GRIK4: variants seen among roughly 807,000 people sequenced by gnomAD.
GRIK4 encodes glutamate receptor ionotropic, kainate 4.
A neutral mutation model predicts 104.9 loss-of-function variants in GRIK4; 40 were observed. The observed-to-expected ratio is 0.38, with a 90% CI of 0.30 to 0.50. The LOEUF (loss-of-function observed/expected upper bound fraction) is 0.50. Ranked by LOEUF, GRIK4 falls within the 20% of genes least tolerant of loss-of-function variation. GRIK4 has a pLI of 0.93. For synonymous variants in GRIK4, 485 were observed against 524.9 expected (o/e 0.92, Z 1.04); for missense variants, 1,047 against 1,308.1 (o/e 0.80, Z 3.08).
intron 3 of GRIK4, among the ~76,000 whole-genome samples, chr11:120,748,042 A>G (rs1951477389): frequency 6.6e-6 from 1 of 152,158 alleles, no homozygotes; most frequent in South Asian, 2.1e-4. Flanking sequence ...AGCTAATTCA[A>G]TATCCTCTCT....
chr11:120,954,393 C>A (rs1944084630), intron 15 of GRIK4, among the ~76,000 whole-genome samples: 1 of 151,266 alleles, frequency 6.6e-6, no homozygotes, highest in Non-Finnish European at 1.5e-5. Flanking sequence ...CAGTGACGGC[C>A]TGCGAGATGG....
At chr11:120,850,338 GGGGGT>G (rs1953946095) in intron 8 of GRIK4, among the ~76,000 whole-genome samples, 1 of 152,044 alleles carries the variant, frequency 6.6e-6, no homozygotes, top group African/African-American at 2.4e-5. Flanking sequence ...TGTGTTTCTT[GGGGGT>G]CATCTTAGAA....
intron 3 of GRIK4, among the ~76,000 whole-genome samples, chr11:120,715,260 A>G (rs753988631): frequency 1.4e-4 from 21 of 152,256 alleles, no homozygotes; most frequent in Non-Finnish European, 2.6e-4. Context: ...CCTGGGGCAC[A>G]GTCCCGAGGA....
intron 9 of GRIK4, among the ~76,000 whole-genome samples, chr11:120,865,144 G>A (rs1042654330): frequency 2.0e-5 from 3 of 152,098 alleles, no homozygotes; most frequent in African/African-American, 4.8e-5. Context: ...CATAAATACT[G>A]TGTAACAGCC....
At chr11:120,685,858 C>G (rs1950267036) in intron 3 of GRIK4, among the ~76,000 whole-genome samples, 1 of 152,148 alleles carries the variant, frequency 6.6e-6, no homozygotes, top group African/African-American at 2.4e-5. Flanking sequence ...GCCCTAAGCC[C>G]TTTGTGCCTC....
intron 6 of GRIK4, among the ~76,000 whole-genome samples, chr11:120,827,491 G>A (rs1430304545): frequency 6.6e-6 from 1 of 152,252 alleles, no homozygotes; most frequent in Non-Finnish European, 1.5e-5. Flanking sequence ...AGAGGAGGGT[G>A]GGGGTGGAAG....
chr11:120,731,726 TC>T (rs1169168118), intron 3 of GRIK4, among the ~76,000 whole-genome samples: 2 of 152,192 alleles, frequency 1.3e-5, no homozygotes, highest in Non-Finnish European at 2.9e-5. Context: ...GATTATGGTT[TC>T]GATCTCATTA....
chr11:120,525,542 A>G lies in GRIK4; in HGVS notation c.-159+13655A>G, dbSNP rs149833302. Among the ~76,000 whole-genome samples the G allele has an allele frequency of 1.2e-4, 18 of 152,326 alleles. No homozygotes were observed. The East Asian group carries it at 3.1e-3, about 26-fold the overall frequency. The stretch of plus-strand genomic sequence containing the variant: ...TGGGTGTTGTGACTCTGAGAGGCAC[A>G]TGGAGAAGAGACCAGCAGGGGTGTT... On this transcript the variant is annotated intron_variant, in intron 1 of 20. Coordinates refer to ENST00000527524, the MANE Select transcript of GRIK4 (RefSeq NM_014619.5).
chr11:120,781,135 C>CT (rs59172541), intron 3 of GRIK4, among the ~76,000 whole-genome samples: 8,038 of 135,918 alleles, frequency 0.059, 439 homozygotes, highest in African/African-American at 0.14. Flanking sequence ...TCCTTTCTTT[C>CT]TTTTTTTTTT....
intron 3 of GRIK4, among the ~76,000 whole-genome samples, chr11:120,748,086 G>A (rs1189389646): frequency 1.3e-5 from 2 of 152,134 alleles, no homozygotes; most frequent in Admixed American, 1.3e-4. Context: ...ATTCTGCTCT[G>A]AGGAGCAGCC....
intron 1 of GRIK4, among the ~76,000 whole-genome samples, chr11:120,589,722 C>T (rs1298943228): frequency 6.6e-6 from 1 of 152,204 alleles, no homozygotes. Context: ...GCTGCCTGCC[C>T]AGCATCTCCT....
chr11:120,729,016 T>A (rs944889297), intron 3 of GRIK4, among the ~76,000 whole-genome samples: 6 of 152,232 alleles, frequency 3.9e-5, no homozygotes, highest in African/African-American at 7.2e-5. Context: ...ACATGCGAAG[T>A]TTGTCTTTCT....
At chr11:120,561,993 C>A (rs1472300041) in intron 1 of GRIK4, among the ~76,000 whole-genome samples, 2 of 152,176 alleles carry the variant, frequency 1.3e-5, no homozygotes, top group African/African-American at 4.8e-5. Context: ...ATGTCGTGTT[C>A]TTCCTCTTAT....
chr11:120,863,129 C>T (rs1214467321), intron 9 of GRIK4, among the ~76,000 whole-genome samples: 1 of 152,206 alleles, frequency 6.6e-6, no homozygotes, highest in African/African-American at 2.4e-5. Context: ...CCTTGCCACG[C>T]TGTACTGTAA....
chr11:120,874,577 T>C (rs969623986), intron 10 of GRIK4, among the ~76,000 whole-genome samples: 1 of 152,228 alleles, frequency 6.6e-6, no homozygotes, highest in African/African-American at 2.4e-5. Context: ...GAGACTGGCA[T>C]CCCTCTGGGA....
chr11:120,597,662 TGGTG>T (rs1370809415), intron 1 of GRIK4, among the ~76,000 whole-genome samples: 1 of 152,186 alleles, frequency 6.6e-6, no homozygotes, highest in Non-Finnish European at 1.5e-5. Flanking sequence ...GGTCCTGAGG[TGGTG>T]GGCCATGCGT....
intron 1 of GRIK4, among the ~76,000 whole-genome samples, chr11:120,619,202 T>G (rs979333394): frequency 6.6e-6 from 1 of 152,184 alleles, no homozygotes; most frequent in Non-Finnish European, 1.5e-5. Flanking sequence ...TTTGGAGATT[T>G]AAGATTTAAT....
At chr11:120,615,918 C>T (rs1949106601) in intron 1 of GRIK4, among the ~76,000 whole-genome samples, 1 of 151,896 alleles carries the variant, frequency 6.6e-6, no homozygotes, top group East Asian at 1.9e-4. Context: ...TCTAGTATCC[C>T]TTCCAGGCCT....
intron 8 of GRIK4, 60 bp downstream of exon 8, chr11:120,836,904 T>C (rs1953587717): frequency 8.8e-7 from 1 of 1,132,274 alleles, no homozygotes; most frequent in Non-Finnish European, 1.3e-6. Context: ...TCAGGATTGA[T>C]GGATTATAAG....
Sources: gnomAD v4.1 joint callset for allele counts (sites outside exome capture counted in the v4.1 genomes callset) on GRCh38, gnomAD v4.1.1 for gene constraint, MANE v1.5 for transcripts, NCBI Gene and HGNC (gene_info 2026-07-23, HGNC 2026-07-21) for gene names.